Variants in FNDC3A observed in about 807,000 individuals in gnomAD.
The protein encoded by FNDC3A is fibronectin type III domain containing 3A.
FNDC3A carries 32 observed loss-of-function variants against 148.9 expected under a neutral mutation model. The ratio of observed to expected loss-of-function variants is 0.21; its 90% confidence interval spans 0.16 to 0.29. The LOEUF is 0.29. FNDC3A is among the 10% of genes least tolerant of loss of function. FNDC3A has a pLI of 1.00. For synonymous variants in FNDC3A, 472 were observed against 473.6 expected (o/e 1.00, Z 0.04); for missense variants, 1,191 against 1,452.8 (o/e 0.82, Z 2.93).
intron 3 of FNDC3A, among the ~76,000 whole-genome samples, chr13:49,079,778 G>T (rs1878352804): frequency 6.6e-6 from 1 of 152,146 alleles, no homozygotes; most frequent in African/African-American, 2.4e-5. Flanking sequence ...GACTGGGGAA[G>T]AATCACTGTG....
chr13:49,129,021 T>C (rs1881872531), intron 4 of FNDC3A, among the ~76,000 whole-genome samples: 1 of 152,254 alleles, frequency 6.6e-6, no homozygotes, highest in South Asian at 2.1e-4. Context: ...TTTATCACCT[T>C]GCAACATGCT....
At chr13:49,107,566 G>A (rs1880275442) in intron 3 of FNDC3A, among the ~76,000 whole-genome samples, 1 of 152,026 alleles carries the variant, frequency 6.6e-6, no homozygotes, top group African/African-American at 2.4e-5. Flanking sequence ...ATCTAGTGAA[G>A]GAACAATGCT....
intron 3 of FNDC3A, among the ~76,000 whole-genome samples, chr13:49,108,026 A>T (rs549989284): frequency 1.6e-4 from 25 of 152,300 alleles, no homozygotes; most frequent in African/African-American, 6.0e-4. Flanking sequence ...TGAAGAACAA[A>T]TGTAGAAGAA....
At chr13:48,977,111 T>A (rs1299999280) in intron 1 of FNDC3A, among the ~76,000 whole-genome samples, 2 of 152,202 alleles carry the variant, frequency 1.3e-5, no homozygotes, top group African/African-American at 4.8e-5. Context: ...TTTGTGAGAT[T>A]TTACGTAAGT....
intron 13 of FNDC3A, 22 bp from the exon 14 acceptor site, chr13:49,178,546 A>C: frequency 7.0e-7 from 1 of 1,424,614 alleles, no homozygotes. Flanking sequence ...TCGAATGAAG[A>C]CTTTGTTTTT....
chr13:49,087,240 G>C (rs1329715850), intron 3 of FNDC3A, among the ~76,000 whole-genome samples: 4 of 152,048 alleles, frequency 2.6e-5, no homozygotes, highest in Admixed American at 2.6e-4. Context: ...TTTAATGACT[G>C]ATGACAAAAG....
At chr13:49,013,176 G>A (rs753438041) in intron 2 of FNDC3A, among the ~76,000 whole-genome samples, 3 of 151,966 alleles carry the variant, frequency 2.0e-5, no homozygotes, top group Non-Finnish European at 4.4e-5. Flanking sequence ...TTAGCCAGGT[G>A]TGGTGGCACA....
At chr13:49,100,750 C>T (rs1879806988) in intron 3 of FNDC3A, among the ~76,000 whole-genome samples, 1 of 152,068 alleles carries the variant, frequency 6.6e-6, no homozygotes, top group Non-Finnish European at 1.5e-5. Flanking sequence ...TGAAATTTTG[C>T]TGTCACATAA....
chr13:49,164,981 A>G (rs1366159002), intron 8 of FNDC3A, among the ~76,000 whole-genome samples: 1 of 152,082 alleles, frequency 6.6e-6, no homozygotes, highest in East Asian at 1.9e-4. Flanking sequence ...TTTGTATTCC[A>G]TTTAATGAAT....
chr13:49,187,780 C>G, intron 16 of FNDC3A: 1 of 725,566 alleles, frequency 1.4e-6, no homozygotes, highest in Non-Finnish European at 2.3e-6. Flanking sequence ...TTGTTTGTAG[C>G]AGTTAGGATT....
chr13:49,148,297 C>T (rs1334589475), intron 8 of FNDC3A, among the ~76,000 whole-genome samples: 2 of 151,964 alleles, frequency 1.3e-5, no homozygotes, highest in Non-Finnish European at 2.9e-5. Context: ...AAACCAGTGT[C>T]CTGAAGTGTT....
intron 1 of FNDC3A, chr13:48,988,139 C>T (rs1951839450): frequency 1.3e-5 from 2 of 152,120 alleles, no homozygotes; most frequent in African/African-American, 4.8e-5. Flanking sequence ...CAGGAGCACC[C>T]AGATTTATAA....
chr13:49,088,524 G>GTC (rs546345865), intron 3 of FNDC3A, among the ~76,000 whole-genome samples: 30 of 152,246 alleles, frequency 2.0e-4, no homozygotes, highest in Non-Finnish European at 3.1e-4. Context: ...CCTCTGTGTA[G>GTC]CCAGAATGAG....
chr13:49,168,505 A>AGTG lies in FNDC3A; in HGVS notation c.1038-107_1038-106insTGG, dbSNP rs1884594978. On this transcript the variant is annotated intron_variant, in intron 9 of 25. Coordinates refer to ENST00000492622, the MANE Select transcript of FNDC3A (RefSeq NM_001079673.2). ...CTTCTAATAGTCATATTTTCTTGAT[A>AGTG]GAACTTTTAGTGGACACCTTCCTAA... The AGTG allele has an allele frequency of 9.2e-6, 6 of 651,838 alleles. No homozygotes were observed. The Admixed American group carries it at 1.5e-4, about 16-fold the overall frequency. The allele number at this position is 651,838 out of a possible 1,614,324, so 40.4% of individuals were successfully genotyped here. A position where few individuals can be genotyped will look rare whatever the true frequency, so the allele number is the denominator to read the frequency against.
chr13:49,037,989 A>G (rs1317846373), intron 2 of FNDC3A, among the ~76,000 whole-genome samples: 2 of 152,110 alleles, frequency 1.3e-5, no homozygotes, highest in Non-Finnish European at 2.9e-5. Context: ...TGGGGGCTTT[A>G]TTGAGTGGTA....
intron 2 of FNDC3A, among the ~76,000 whole-genome samples, chr13:49,060,559 G>A (rs1267750074): frequency 6.7e-6 from 1 of 148,232 alleles, no homozygotes; most frequent in Non-Finnish European, 1.5e-5. Context: ...CAAGAGAATC[G>A]CTTGAACCCA....
At chr13:49,064,631 C>A (rs1024511302) in intron 2 of FNDC3A, among the ~76,000 whole-genome samples, 14 of 152,012 alleles carry the variant, frequency 9.2e-5, no homozygotes, top group African/African-American at 3.1e-4. Flanking sequence ...AGGAGGGGCC[C>A]CAGTGGCGCA....
chr13:49,013,172 A>AGGTGTGGT (rs1190910469), intron 2 of FNDC3A, among the ~76,000 whole-genome samples: 1 of 151,984 alleles, frequency 6.6e-6, no homozygotes, highest in East Asian at 1.9e-4. Context: ...AAAATTAGCC[A>AGGTGTGGT]GGTGTGGTGG....
intron 3 of FNDC3A, among the ~76,000 whole-genome samples, chr13:49,079,294 C>G (rs1878320070): frequency 6.6e-6 from 1 of 151,940 alleles, no homozygotes; most frequent in Non-Finnish European, 1.5e-5. Context: ...AATCTGAAAA[C>G]TAAGTTCCTG....
Sources: gnomAD v4.1 joint callset for allele counts (sites outside exome capture counted in the v4.1 genomes callset) on GRCh38, gnomAD v4.1.1 for gene constraint, MANE v1.5 for transcripts, NCBI Gene and HGNC (gene_info 2026-07-23, HGNC 2026-07-21) for gene names.